Variants in NCALD observed in about 807,000 individuals in gnomAD.
NCALD encodes neurocalcin-delta.
A neutral mutation model predicts 18.6 loss-of-function variants in NCALD; 10 were observed. The ratio of observed to expected loss-of-function variants is 0.54; its 90% CI spans 0.33 to 0.91. NCALD has a LOEUF of 0.91. Among genes scored for constraint, NCALD ranks in the 40% least tolerant of loss-of-function variants. The pLI, the probability that NCALD is intolerant of heterozygous loss-of-function variation, is 0.03. For synonymous variants in NCALD, 88 were observed against 87.4 expected (o/e 1.01, Z -0.04); for missense variants, 184 against 247.6 (o/e 0.74, Z 1.72).
chr8:102,022,153 G>A (rs969193138), intron 1 of NCALD, among the ~76,000 whole-genome samples: 3 of 152,054 alleles, frequency 2.0e-5, no homozygotes, highest in Admixed American at 6.6e-5. Context: ...AGAAACCAGA[G>A]GTCGGGGAGC....
At chr8:102,002,870 T>G (rs1314820167) in intron 2 of NCALD, among the ~76,000 whole-genome samples, 1 of 151,424 alleles carries the variant, frequency 6.6e-6, no homozygotes, top group Non-Finnish European at 1.5e-5. Flanking sequence ...TGGGACACAT[T>G]CAAAGCAGTG....
intron 4 of NCALD, chr8:101,872,072 C>G: frequency 6.8e-7 from 1 of 1,464,492 alleles, no homozygotes; most frequent in Non-Finnish European, 9.5e-7. Flanking sequence ...AGATTCCTAT[C>G]AGGATAATTG....
At chr8:101,732,316 C>T (rs1384335654) in intron 1 of NCALD, among the ~76,000 whole-genome samples, 2 of 152,166 alleles carry the variant, frequency 1.3e-5, no homozygotes, top group Non-Finnish European at 2.9e-5. Context: ...GGGCTCATCA[C>T]TTAACTTAGC....
intron 1 of NCALD, among the ~76,000 whole-genome samples, chr8:102,099,380 T>A (rs896472945): frequency 1.3e-5 from 2 of 152,134 alleles, no homozygotes. Context: ...TGCAACACAC[T>A]TAGATGAGAC....
At chr8:101,951,030 G>A (rs1378560714) in intron 2 of NCALD, among the ~76,000 whole-genome samples, 2 of 152,168 alleles carry the variant, frequency 1.3e-5, no homozygotes, top group East Asian at 1.9e-4. Flanking sequence ...GAGGCCGCAG[G>A]TGCTAGACCA....
intron 3 of NCALD, among the ~76,000 whole-genome samples, chr8:101,911,010 T>C (rs1817775726): frequency 6.6e-6 from 1 of 152,202 alleles, no homozygotes; most frequent in Non-Finnish European, 1.5e-5. Flanking sequence ...CTATTTACTC[T>C]AATCTACTTC....
chr8:102,043,221 G>A (rs868712601), intron 1 of NCALD, among the ~76,000 whole-genome samples: 2 of 152,010 alleles, frequency 1.3e-5, no homozygotes, highest in South Asian at 4.1e-4. Flanking sequence ...GCTCATGTGT[G>A]TTCTTCACCC....
intron 1 of NCALD, among the ~76,000 whole-genome samples, chr8:101,761,962 A>G (rs2130838535): frequency 6.6e-6 from 1 of 152,344 alleles, no homozygotes; most frequent in South Asian, 2.1e-4. Flanking sequence ...ACAACATAGT[A>G]GGGAATGGTG....
intron 4 of NCALD, among the ~76,000 whole-genome samples, chr8:101,854,021 CTA>C (rs1284605152): frequency 6.6e-6 from 1 of 152,220 alleles, no homozygotes; most frequent in Non-Finnish European, 1.5e-5. Flanking sequence ...TCCGAGGACT[CTA>C]TGTCAGATAT....
chr8:101,719,785 G>T, intron 1 of NCALD, 137 bp from the exon 2 acceptor site: 1 of 761,244 alleles, frequency 1.3e-6, no homozygotes, highest in Non-Finnish European at 2.0e-6. Context: ...CACTGTCTAG[G>T]TTTTGCAACA....
At chr8:101,932,440 C>T (rs1334121809) in intron 2 of NCALD, among the ~76,000 whole-genome samples, 1 of 152,154 alleles carries the variant, frequency 6.6e-6, no homozygotes, top group East Asian at 1.9e-4. Context: ...AAGCCATCTC[C>T]CAATAACCCT....
intron 1 of NCALD, among the ~76,000 whole-genome samples, chr8:101,787,803 G>T (rs1812287606): frequency 1.3e-5 from 2 of 152,138 alleles, no homozygotes; most frequent in East Asian, 3.9e-4. Context: ...TCTCTCTTGA[G>T]TATCTGGAAT....
At chr8:102,087,352 G>A (rs55888515) in intron 1 of NCALD, among the ~76,000 whole-genome samples, 17,636 of 151,936 alleles carry the variant, frequency 0.12, 1,929 homozygotes, top group African/African-American at 0.28. Context: ...AGATGATACT[G>A]AAGAACCCCA....
intron 2 of NCALD, among the ~76,000 whole-genome samples, chr8:101,920,038 C>T (rs370489837): frequency 6.6e-6 from 1 of 152,278 alleles, no homozygotes; most frequent in African/African-American, 2.4e-5. Context: ...GGGCAGATTA[C>T]TTGAGCCCAG....
At chr8:101,882,493 A>G (rs1041406673) in intron 4 of NCALD, among the ~76,000 whole-genome samples, 1 of 152,178 alleles carries the variant, frequency 6.6e-6, no homozygotes, top group Non-Finnish European at 1.5e-5. Context: ...GGACTTCCCG[A>G]CCTCAAGAAC....
intron 1 of NCALD, among the ~76,000 whole-genome samples, chr8:102,050,521 C>G (rs1172336854): frequency 6.6e-6 from 1 of 150,840 alleles, no homozygotes; most frequent in Non-Finnish European, 1.5e-5. Flanking sequence ...TAGGGCCTCT[C>G]AGGAGAAGAC....
intron 1 of NCALD, among the ~76,000 whole-genome samples, chr8:102,049,530 GT>G (rs1384568415): frequency 6.6e-6 from 1 of 152,126 alleles, no homozygotes; most frequent in Non-Finnish European, 1.5e-5. Flanking sequence ...ATATGCTTCA[GT>G]TTTTGATTCA....
At chr8:101,935,911 C>G (rs1818746295) in intron 2 of NCALD, among the ~76,000 whole-genome samples, 2 of 151,030 alleles carry the variant, frequency 1.3e-5, no homozygotes, top group Non-Finnish European at 2.9e-5. Context: ...AAGCCAAGTC[C>G]TAAGTAAGAG....
chr8:102,084,145 T>C (rs924106180), intron 1 of NCALD, among the ~76,000 whole-genome samples: 21 of 152,228 alleles, frequency 1.4e-4, no homozygotes, highest in African/African-American at 4.1e-4. Context: ...TCATTTTTCA[T>C]TTGCTTAATT....
Sources: gnomAD v4.1 joint callset for allele counts (sites outside exome capture counted in the v4.1 genomes callset) on GRCh38, gnomAD v4.1.1 for gene constraint, MANE v1.5 for transcripts, NCBI Gene and HGNC (gene_info 2026-07-23, HGNC 2026-07-21) for gene names.